XKR6: variants seen among roughly 807,000 people sequenced by gnomAD.
XKR6 encodes the protein XK-related protein 6.
Under a neutral mutation model 56.7 loss-of-function variants are expected in XKR6, and 22 were observed. The ratio of observed to expected loss-of-function variants is 0.39; its 90% confidence interval spans 0.28 to 0.55. XKR6 has a LOEUF of 0.55. Ranked by LOEUF, XKR6 falls within the 20% of genes least tolerant of loss-of-function variation. XKR6 has a pLI of 0.66. For missense variants in XKR6, 852 were observed against 889.0 expected, an observed-to-expected ratio of 0.96 and a Z score of 0.53; for synonymous variants, 524 against 387.8, an observed-to-expected ratio of 1.35 and a Z score of -4.13.
intron 1 of XKR6, among the ~76,000 whole-genome samples, chr8:11,052,967 TCA>T (rs1799592594): frequency 2.0e-5 from 3 of 152,282 alleles, no homozygotes; most frequent in African/African-American, 7.2e-5. Flanking sequence ...GCATGTTTGG[TCA>T]CAGTGCTGAG....
intron 1 of XKR6, among the ~76,000 whole-genome samples, chr8:11,014,676 T>A (rs905321045): frequency 6.6e-6 from 1 of 152,154 alleles, no homozygotes; most frequent in Non-Finnish European, 1.5e-5. Flanking sequence ...AACACAGATA[T>A]GGGGCAAAGC....
At position 10,924,841 on chromosome 8, in the gene XKR6, A is replaced by G; in HGVS notation, c.765-11T>C. On this transcript the variant is annotated splice_polypyrimidine_tract_variant and intron_variant, in intron 1 of 2. Transcript: ENST00000416569. ...ATGGTGCGGATATACCTGCCCAGAG[A>G]GATGGGGAGAACACAGAGAGCATGG... The G allele has an allele frequency of 6.2e-7, 1 of 1,608,788 alleles. No individual in the cohort carries two copies. Among genetic ancestry groups the G allele is most frequent in the Non-Finnish European group, 8.5e-7 (1 of 1,176,678 alleles).
chr8:11,120,768 A>G (rs1262902626), intron 1 of XKR6, among the ~76,000 whole-genome samples: 2 of 152,212 alleles, frequency 1.3e-5, no homozygotes, highest in African/African-American at 2.4e-5. Context: ...GAGGTATCAC[A>G]CTACCTGACT....
At chr8:11,018,774 C>A (rs1798683502) in intron 1 of XKR6, among the ~76,000 whole-genome samples, 1 of 152,132 alleles carries the variant, frequency 6.6e-6, no homozygotes, top group Admixed American at 6.5e-5. Flanking sequence ...CAATAGCTCC[C>A]CATTGCCAAA....
intron 1 of XKR6, among the ~76,000 whole-genome samples, chr8:10,994,770 C>G (rs1279823435): frequency 1.3e-5 from 2 of 152,208 alleles, no homozygotes; most frequent in African/African-American, 4.8e-5. Flanking sequence ...AGCAATTTGT[C>G]TGAGTTATGG....
At chr8:11,062,239 A>C (rs773115744) in intron 1 of XKR6, among the ~76,000 whole-genome samples, 10 of 152,118 alleles carry the variant, frequency 6.6e-5, no homozygotes, top group Admixed American at 2.6e-4. Flanking sequence ...GAGCAACACA[A>C]ACTATCACAT....
chr8:10,973,631 G>C (rs1802469980), intron 1 of XKR6, among the ~76,000 whole-genome samples: 1 of 151,966 alleles, frequency 6.6e-6, no homozygotes, highest in African/African-American at 2.4e-5. Flanking sequence ...CCAGGCCGGA[G>C]TGCAGTGGAA....
At chr8:11,050,765 C>A (rs990355584) in intron 1 of XKR6, among the ~76,000 whole-genome samples, 50 of 152,100 alleles carry the variant, frequency 3.3e-4, no homozygotes, top group African/African-American at 1.2e-3. Flanking sequence ...GCCTGTTCTT[C>A]CCTCATGTCC....
At chr8:10,989,990 A>G (rs566026352) in intron 1 of XKR6, among the ~76,000 whole-genome samples, 1 of 152,354 alleles carries the variant, frequency 6.6e-6, no homozygotes, top group South Asian at 2.1e-4. Flanking sequence ...TGCAGAGCAG[A>G]TGCCAAACTG....
chr8:10,977,777 C>T (rs1487729695), intron 1 of XKR6, among the ~76,000 whole-genome samples: 1 of 151,508 alleles, frequency 6.6e-6, no homozygotes. Flanking sequence ...GGACCACTGT[C>T]ACAGGAGTAA....
chr8:11,201,069 C>G lies in XKR6; in HGVS notation c.271G>C (p.Gly91Arg). 1 of 1,326,934 alleles carries G rather than the reference C, an allele frequency of 7.5e-7. No homozygotes were observed. Among genetic ancestry groups the G allele is most frequent in the African/African-American group, 1.5e-5 (1 of 65,058 alleles). The allele number at this position is 1,326,934 out of a possible 1,614,324, so 82.2% of individuals were successfully genotyped here. Residue 91 changes from glycine to arginine, a missense_variant, in exon 1 of 3, where the codon GGG becomes CGG. Transcript: ENST00000416569. ...KPRRSAAADG[G>R]DQPLQPPAAP... ...GCGGGAGGCTGCAGCGGCTGGTCCCCCCCGTCGGCGGCGGCGCTGCGGCGC... is the reference window on the plus strand; with the variant it reads ...GCGGGAGGCTGCAGCGGCTGGTCCCGCCCGTCGGCGGCGGCGCTGCGGCGC...
chr8:11,160,911 C>CAAAAAAAAAAAAAAAAAAAAAAAAAAA (rs33931830), intron 1 of XKR6, among the ~76,000 whole-genome samples: 8 of 63,782 alleles, frequency 1.3e-4, no homozygotes, highest in African/African-American at 4.6e-4. Flanking sequence ...GACTCCGTCT[C>CAAAAAAAAAAAAAAAAAAAAAAAAAAA]AAAAAAAAAA....
intron 1 of XKR6, among the ~76,000 whole-genome samples, chr8:11,149,221 T>C (rs549249576): frequency 6.6e-6 from 1 of 152,328 alleles, no homozygotes; most frequent in African/African-American, 2.4e-5. Context: ...CACGCCTAGA[T>C]GGCATTGCCT....
At chr8:10,915,126 T>C (rs997027227) in intron 2 of XKR6, among the ~76,000 whole-genome samples, 13 of 152,238 alleles carry the variant, frequency 8.5e-5, no homozygotes, top group African/African-American at 3.1e-4. Context: ...GTGCACTCCA[T>C]TTTCTAAAAG....
intron 1 of XKR6, among the ~76,000 whole-genome samples, chr8:10,932,957 G>C (rs1006471504): frequency 1.3e-5 from 2 of 149,498 alleles, no homozygotes; most frequent in Non-Finnish European, 3.0e-5. Flanking sequence ...GGGATGCCTG[G>C]GTCAAATGGT....
At chr8:10,960,924 T>C (rs1241297290) in intron 1 of XKR6, among the ~76,000 whole-genome samples, 5 of 152,026 alleles carry the variant, frequency 3.3e-5, no homozygotes, top group Admixed American at 2.0e-4. Context: ...ATAAGAGCCA[T>C]GAATGAAACA....
rs531984321 is a variant in XKR6 at position 11,092,686 on chromosome 8, C to A, written c.764+107890G>T. On this transcript the variant is annotated intron_variant, in intron 1 of 2. Transcript: ENST00000416569. ...TAAAGCCCAAAGAGAAACTCTTCCCCCTGGATGATGATCAAGAACCTCATT... is the reference window on the plus strand; with the variant it reads ...TAAAGCCCAAAGAGAAACTCTTCCCACTGGATGATGATCAAGAACCTCATT... 3.9e-5 allele frequency among the ~76,000 whole-genome samples: 6 copies of A among 152,340 alleles called. No homozygotes were observed. In the East Asian group the frequency reaches 1.2e-3, roughly 29 times the overall value.
intron 1 of XKR6, among the ~76,000 whole-genome samples, chr8:11,086,083 C>T (rs1797877423): frequency 6.6e-6 from 1 of 151,198 alleles, no homozygotes; most frequent in African/African-American, 2.4e-5. Context: ...TGCCCACTTT[C>T]CCTCATGGAA....
At chr8:11,188,367 ACATT>A (rs373807015) in intron 1 of XKR6, among the ~76,000 whole-genome samples, 293 of 152,318 alleles carry the variant, frequency 1.9e-3, no homozygotes, top group African/African-American at 6.7e-3. Context: ...TGCTACAAAC[ACATT>A]CAAATTCTGT....
Sources: allele counts gnomAD v4.1 joint callset (sites outside exome capture counted in the v4.1 genomes callset), GRCh38; gene constraint gnomAD v4.1.1; transcripts MANE v1.5; gene names NCBI Gene and HGNC (gene_info 2026-07-23, HGNC 2026-07-21).